FAT1: variants seen among roughly 807,000 people sequenced by gnomAD.
The protein encoded by FAT1 is protocadherin Fat 1.
A neutral mutation model predicts 329.8 loss-of-function variants in FAT1; 171 were observed. The ratio of observed to expected loss-of-function variants is 0.52; its 90% CI spans 0.46 to 0.59. The LOEUF (loss-of-function observed/expected upper bound fraction) is 0.59, where lower values mean the gene tolerates loss of function less well. FAT1 is among the 20% of genes least tolerant of loss of function. The pLI is 0.00. For missense variants in FAT1, 5,672 were observed against 5,774.4 expected, an observed-to-expected ratio of 0.98 and a Z score of 0.57; for synonymous variants, 2,233 against 2,228.6, an observed-to-expected ratio of 1.00 and a Z score of -0.06.
chr4:186,615,240 C>G (rs1034417338), intron 11 of FAT1, among the ~76,000 whole-genome samples: 4 of 152,036 alleles, frequency 2.6e-5, no homozygotes, highest in African/African-American at 9.7e-5. Context: ...ATGTCGCACC[C>G]CTTCTGAAAA....
chr4:186,660,608 C>T (rs1742122978), intron 3 of FAT1, among the ~76,000 whole-genome samples: 1 of 152,226 alleles, frequency 6.6e-6, no homozygotes, highest in African/African-American at 2.4e-5. Flanking sequence ...AGCGGAGTGC[C>T]TGTGCTCCCG....
rs1253875433 is a variant in FAT1 at position 186,617,957 on chromosome 4, G to A, written c.8629C>T (p.His2877Tyr). ...ATCTGGTAATTGTCTCTCTTTTCAT[G>A]GTCAAGTTCCTTTAAAGTTGTAATC... ...GWITTLKELD[H>Y]EKRDNYQIKV... The change falls in exon 10 of 27, where the codon CAT (histidine) becomes TAT (tyrosine). Residue 2877 changes from histidine to tyrosine, a missense_variant. By Grantham distance (83) the His-to-Tyr change is moderately conservative (BLOSUM62 2). Coordinates refer to ENST00000441802, the MANE Select transcript of FAT1 (RefSeq NM_005245.4). The A allele has an allele frequency of 1.2e-6, 2 of 1,613,900 alleles. No individual in the cohort carries two copies. Among genetic ancestry groups the A allele is most frequent in the South Asian group, 1.1e-5 (1 of 91,078 alleles).
At chr4:186,629,105 A>G (rs28700102) in intron 7 of FAT1, among the ~76,000 whole-genome samples, 8,965 of 152,230 alleles carry the variant, frequency 0.059, 274 homozygotes, top group Middle Eastern at 0.11. Flanking sequence ...TGTACGGATA[A>G]CAATTTACCA....
At chr4:186,642,242 C>G (rs989309995) in intron 3 of FAT1, among the ~76,000 whole-genome samples, 2 of 152,170 alleles carry the variant, frequency 1.3e-5, no homozygotes, top group Non-Finnish European at 2.9e-5. Flanking sequence ...AACTTTTAAA[C>G]TCACTGCAGG....
chr4:186,605,345 TGAG>T (rs1417065330), intron 17 of FAT1, among the ~76,000 whole-genome samples: 3 of 83,486 alleles, frequency 3.6e-5, no homozygotes, highest in Non-Finnish European at 7.0e-5. Flanking sequence ...GGAGGGGTGA[TGAG>T]GAGGAGTGGC....
Position 186,606,111 on chromosome 4 carries a change from C to T in FAT1, c.10309G>A (p.Ala3437Thr), listed in dbSNP as rs373448625. ...NIDVSDVNDNAPVFSRGNYSV... is the reference protein window; with the variant it reads ...NIDVSDVNDNTPVFSRGNYSV... ...TAGTTTCCCCTGGAGAAGACGGGCG[C>T]GTTGTCATTGACATCGGACACATCG... is the stretch of plus-strand genomic sequence containing the variant. The change falls in exon 17 of 27, where the codon GCG (alanine) becomes ACG (threonine). Residue 3437 changes from alanine to threonine, a missense_variant. Transcript: ENST00000441802. The T allele has an allele frequency of 2.3e-4, 376 of 1,613,164 alleles. No individual in the cohort carries two copies. Among genetic ancestry groups the T allele is most frequent in the Non-Finnish European group, 2.9e-4 (346 of 1,179,826 alleles).
chr4:186,684,505 T>C (rs183115802), intron 2 of FAT1, among the ~76,000 whole-genome samples: 18 of 152,306 alleles, frequency 1.2e-4, no homozygotes, highest in African/African-American at 4.1e-4. Context: ...AACACTGCCA[T>C]GCACAGAAAA....
intron 2 of FAT1, among the ~76,000 whole-genome samples, chr4:186,669,060 C>A (rs748030195): frequency 3.9e-5 from 6 of 152,212 alleles, no homozygotes; most frequent in Non-Finnish European, 8.8e-5. Flanking sequence ...TTCACGACCT[C>A]ACCTTTTTGG....
intron 7 of FAT1, among the ~76,000 whole-genome samples, chr4:186,631,135 C>G (rs1211721252): frequency 6.6e-6 from 1 of 152,202 alleles, no homozygotes; most frequent in Admixed American, 6.5e-5. Flanking sequence ...CTGCCCCTGA[C>G]CTGGATACAC....
rs150479412 is a variant in FAT1 at position 186,622,929 on chromosome 4, G to A, written c.4811-1154C>T. On this transcript the variant is annotated intron_variant, in intron 9 of 26. Coordinates refer to ENST00000441802, the MANE Select transcript of FAT1 (RefSeq NM_005245.4). Reference sequence around the variant, plus strand: ...CAGATTCTTGCTCTAGGTTTGCCACGAGTGTGGCATTTCACAGACCAGAAC... The same window carrying A: ...CAGATTCTTGCTCTAGGTTTGCCACAAGTGTGGCATTTCACAGACCAGAAC... Among the ~76,000 whole-genome samples the A allele has an allele frequency of 3.3e-5, 5 of 152,296 alleles. 1 individual carries two copies. Among genetic ancestry groups the A allele is most frequent in the South Asian group, 4.1e-4 (2 of 4,824 alleles).
chr4:186,668,175 G>A (rs1392554171), intron 2 of FAT1, among the ~76,000 whole-genome samples: 3 of 152,090 alleles, frequency 2.0e-5, no homozygotes, highest in Admixed American at 2.0e-4. Flanking sequence ...TTTGTTTTCC[G>A]CTTTTTAATC....
At position 186,706,805 on chromosome 4, in the gene FAT1, T is replaced by C. The variant is rs1043381826; in HGVS notation, c.3023A>G (p.Lys1008Arg). 2 of 1,614,024 alleles carry C rather than the reference T, an allele frequency of 1.2e-6. No individual in the cohort carries two copies. Among genetic ancestry groups the C allele is most frequent in the African/African-American group, 1.3e-5 (1 of 75,050 alleles). Reference protein sequence around the residue: ...NLTVRAKDKGKPVSLSSTCYV... With the variant: ...NLTVRAKDKGRPVSLSSTCYV... ...GCAAGTAGAAGACAGAGAAACTGGCTTTCCCTTGTCTTTGGCCCTCACAGT... is the reference window on the plus strand; with the variant it reads ...GCAAGTAGAAGACAGAGAAACTGGCCTTCCCTTGTCTTTGGCCCTCACAGT... Residue 1008 changes from lysine (K) to arginine (R), a missense_variant, in exon 2 of 27, where the codon AAG becomes AGG. By Grantham distance (26) the Lys-to-Arg change is conservative (BLOSUM62 2). Transcript: ENST00000441802.
chr4:186,596,503 A>AAGTGACACTTT lies in FAT1; in HGVS notation c.13000+26_13000+36dup. ...AATTTGTAACCTCACTGTTTATCTC[A>AAGTGACACTTT]AGTGACACTTTAGTGAGATGAAAAA... is the stretch of plus-strand genomic sequence containing the variant. On this transcript the variant is annotated intron_variant, in intron 25 of 26. Coordinates refer to ENST00000441802, the MANE Select transcript of FAT1 (RefSeq NM_005245.4). This position sits in a 1 kb window ranked among gnomAD's most constrained non-coding sequence, Gnocchi z 4.7. 2 of 1,577,308 alleles carry AAGTGACACTTT rather than the reference A, an allele frequency of 1.3e-6. No homozygotes were observed. Among genetic ancestry groups the AAGTGACACTTT allele is most frequent in the Non-Finnish European group, 1.7e-6 (2 of 1,162,558 alleles).
At chr4:186,700,037 G>T (rs888199248) in intron 2 of FAT1, among the ~76,000 whole-genome samples, 1 of 152,170 alleles carries the variant, frequency 6.6e-6, no homozygotes, top group Non-Finnish European at 1.5e-5. Flanking sequence ...AAGGGGGACG[G>T]TGAGTAAGCT....
At chr4:186,700,970 A>T (rs989824155) in intron 2 of FAT1, among the ~76,000 whole-genome samples, 2 of 152,292 alleles carry the variant, frequency 1.3e-5, no homozygotes, top group Non-Finnish European at 1.5e-5. Context: ...CGGCCCCTGC[A>T]CACTCTGAGA....
At chr4:186,632,195 T>C (rs574637160) in intron 7 of FAT1, among the ~76,000 whole-genome samples, 2 of 152,230 alleles carry the variant, frequency 1.3e-5, no homozygotes, top group Admixed American at 6.5e-5. Context: ...TGATATTTCA[T>C]GCTAAACTTT....
At chr4:186,628,401 C>T (rs1379612953) in intron 8 of FAT1, 37 bp from the exon 9 acceptor site, 2 of 1,609,958 alleles carry the variant, frequency 1.2e-6, no homozygotes, top group Admixed American at 3.4e-5. Context: ...CCCATTGGTG[C>T]TTTCCTTATA....
intron 2 of FAT1, among the ~76,000 whole-genome samples, chr4:186,670,808 G>A (rs58559862): frequency 0.024 from 3,640 of 152,140 alleles, 140 homozygotes; most frequent in African/African-American, 0.084. Flanking sequence ...AGAAACAGTC[G>A]CAGGCAAGAG....
chr4:186,603,640 A>G lies in FAT1; in HGVS notation c.10886T>C (p.Val3629Ala), dbSNP rs763830010. The G allele has an allele frequency of 2.5e-6, 4 of 1,613,982 alleles. No homozygotes were observed. The highest frequency in any genetic ancestry group is 3.4e-6 in the Non-Finnish European group (4 of 1,179,872). ...GKFTTVADIT[V>A]HIRQVTQEML... ...CTCCTGTGTGACTTGTCTGATATGC[A>G]CTGTGATGTCGGCCACCGTCGTGAA... is the stretch of plus-strand genomic sequence containing the variant. The change falls in exon 19 of 27, where the codon GTG (valine) becomes GCG (alanine). Residue 3629 changes from valine (V) to alanine (A), a missense_variant. Transcript: ENST00000441802.
Sources: gnomAD v4.1 joint callset for allele counts (sites outside exome capture counted in the v4.1 genomes callset) on GRCh38, gnomAD v4.1.1 for gene constraint, Gnocchi (gnomAD v3.1) non-coding constraint, MANE v1.5 for transcripts, NCBI Gene and HGNC (gene_info 2026-07-23, HGNC 2026-07-21) for gene names.